Variants in TENM3 observed in about 807,000 individuals in gnomAD.
TENM3 encodes the protein teneurin transmembrane protein 3.
Under a neutral mutation model 255.1 loss-of-function variants are expected in TENM3, and 63 were observed. That is an observed-to-expected ratio of 0.25 (90% confidence interval 0.20 to 0.30). The LOEUF (loss-of-function observed/expected upper bound fraction) is 0.30. Among genes scored for constraint, TENM3 ranks in the 10% least tolerant of loss-of-function variants. The probability of loss-of-function intolerance (pLI) is 1.00; values close to 1 mark genes in which losing one functional copy is unlikely to be tolerated. For missense variants in TENM3, 2,929 were observed against 3,461.1 expected (o/e 0.85, Z 3.86); for synonymous variants, 1,306 against 1,322.3 (o/e 0.99, Z 0.27).
chr4:182,789,364 C>G lies in TENM3; in HGVS notation c.5576C>G (p.Thr1859Arg). Residue 1859 changes from threonine to arginine, a missense_variant, in exon 25 of 28, where the codon ACA (threonine) becomes AGA (arginine). Transcript: ENST00000511685. This position sits in a 1 kb window ranked among gnomAD's most constrained non-coding sequence, Gnocchi z 4.4. ...TCTCGGGTCTTTGCTGATGGTAAAA[C>G]ATGGAGTTACACATATTTAGAAAAG... ...IVSRVFADGK[T>R]WSYTYLEKSM... The G allele has an allele frequency of 1.2e-6, 2 of 1,613,290 alleles. No individual in the cohort carries two copies. The highest frequency in any genetic ancestry group is 1.7e-6 in the Non-Finnish European group (2 of 1,179,604).
chr4:182,534,127 G>A (rs1348422123), intron 3 of TENM3, among the ~76,000 whole-genome samples: 2 of 152,168 alleles, frequency 1.3e-5, no homozygotes, highest in African/African-American at 4.8e-5. Context: ...ATTGAAGTCT[G>A]TTGGGGGAGA....
the TENM3 span, among the ~76,000 whole-genome samples, chr4:181,780,668 T>C: frequency 3.7e-3 from 571 of 152,354 alleles, 5 homozygotes; most frequent in African/African-American, 0.013. Context: ...ATTTTGGCTT[T>C]TGTTGCTGTT....
At chr4:182,016,412 C>T in the TENM3 span, among the ~76,000 whole-genome samples, 1 of 152,154 alleles carries the variant, frequency 6.6e-6, no homozygotes, top group Non-Finnish European at 1.5e-5. Flanking sequence ...TAGTTATTTT[C>T]CTGAGATGGT....
the TENM3 span, among the ~76,000 whole-genome samples, chr4:181,553,500 GGC>G: frequency 1.3e-5 from 2 of 151,880 alleles, no homozygotes; most frequent in Non-Finnish European, 2.9e-5. Context: ...GGAGTGCAGG[GGC>G]GCGATCTCGG....
chr4:182,628,170 T>C (rs1294536541), intron 4 of TENM3, among the ~76,000 whole-genome samples: 2 of 152,036 alleles, frequency 1.3e-5, no homozygotes, highest in Admixed American at 6.6e-5. Context: ...ATCCAGAAAA[T>C]AAATCAGTCT....
the TENM3 span, among the ~76,000 whole-genome samples, chr4:181,736,363 G>T: frequency 1.3e-4 from 20 of 152,050 alleles, no homozygotes; most frequent in Non-Finnish European, 2.9e-4. Flanking sequence ...AAGAGTAGAG[G>T]TTGTCACACA....
At chr4:182,205,192 TTCCAC>T (rs1754469391) in intron 1 of TENM3, among the ~76,000 whole-genome samples, 2 of 152,216 alleles carry the variant, frequency 1.3e-5, no homozygotes, top group South Asian at 4.1e-4. Flanking sequence ...ATGGAAACTC[TTCCAC>T]CCCGTGTCTA....
the TENM3 span, among the ~76,000 whole-genome samples, chr4:181,464,133 G>T: frequency 6.6e-6 from 1 of 152,138 alleles, no homozygotes; most frequent in Non-Finnish European, 1.5e-5. Flanking sequence ...ATTTTTGTGT[G>T]GACACATGTT....
chr4:182,389,471 C>A (rs1768251766), intron 3 of TENM3, among the ~76,000 whole-genome samples: 1 of 151,242 alleles, frequency 6.6e-6, no homozygotes, highest in South Asian at 2.1e-4. Context: ...TTTTACCTGC[C>A]AGAAAAAAAA....
chr4:181,913,315 T>A, the TENM3 span, among the ~76,000 whole-genome samples: 1 of 152,200 alleles, frequency 6.6e-6, no homozygotes, highest in Non-Finnish European at 1.5e-5. Flanking sequence ...AATTTGGTCC[T>A]GTTGGAAGTA....
At chr4:182,612,020 C>T (rs1561001046) in intron 4 of TENM3, among the ~76,000 whole-genome samples, 1 of 151,940 alleles carries the variant, frequency 6.6e-6, no homozygotes, top group Non-Finnish European at 1.5e-5. Flanking sequence ...GAATTCCCAG[C>T]ATTTTGGGAG....
chr4:181,844,611 T>C, the TENM3 span, among the ~76,000 whole-genome samples: 9 of 151,268 alleles, frequency 5.9e-5, no homozygotes, highest in Non-Finnish European at 1.0e-4. Flanking sequence ...GAGCTTGCAG[T>C]GAGCTGAGAT....
At chr4:182,716,958 T>G (rs1199746416) in intron 13 of TENM3, among the ~76,000 whole-genome samples, 1 of 152,186 alleles carries the variant, frequency 6.6e-6, no homozygotes, top group Non-Finnish European at 1.5e-5. Flanking sequence ...TAGTCAGCAA[T>G]TGAACACTCC....
At chr4:182,110,171 G>A in the TENM3 span, among the ~76,000 whole-genome samples, 13 of 151,370 alleles carry the variant, frequency 8.6e-5, no homozygotes, top group African/African-American at 1.9e-4. Context: ...ATAAAAGGTC[G>A]TGGGACACAG....
intron 22 of TENM3, among the ~76,000 whole-genome samples, chr4:182,760,507 T>G (rs2152764391): frequency 6.6e-6 from 1 of 152,232 alleles, no homozygotes; most frequent in East Asian, 1.9e-4. Flanking sequence ...AAACTATGAA[T>G]TCTGGCCAAT....
intron 1 of TENM3, among the ~76,000 whole-genome samples, chr4:182,305,826 C>A (rs945240319): frequency 6.6e-6 from 1 of 152,222 alleles, no homozygotes; most frequent in Non-Finnish European, 1.5e-5. Flanking sequence ...AAGCCCATTT[C>A]ATGTAGGGCT....
chr4:181,853,062 G>A, the TENM3 span, among the ~76,000 whole-genome samples: 3 of 152,136 alleles, frequency 2.0e-5, no homozygotes, highest in Admixed American at 6.5e-5. Context: ...GCAAAGACAG[G>A]CATTTATTTT....
chr4:182,396,005 A>T (rs1017401750), intron 3 of TENM3, among the ~76,000 whole-genome samples: 1 of 152,248 alleles, frequency 6.6e-6, no homozygotes, highest in Admixed American at 6.5e-5. Flanking sequence ...GTTGTATAAA[A>T]TAGAATTGTC....
chr4:181,533,416 A>C, the TENM3 span, among the ~76,000 whole-genome samples: 1 of 152,154 alleles, frequency 6.6e-6, no homozygotes, highest in African/African-American at 2.4e-5. Context: ...CTGGGGAAGA[A>C]GAGGTGGACA....
Sources: allele counts gnomAD v4.1 joint callset (sites outside exome capture counted in the v4.1 genomes callset), GRCh38; gene constraint gnomAD v4.1.1; non-coding constraint Gnocchi (gnomAD v3.1); transcripts MANE v1.5; gene names NCBI Gene and HGNC (gene_info 2026-07-23, HGNC 2026-07-21).